ARHGEF37: variants seen among roughly 807,000 people sequenced by gnomAD.
ARHGEF37 encodes Rho guanine nucleotide exchange factor 37.
ARHGEF37 carries 55 observed loss-of-function variants against 71.1 expected under a neutral mutation model. That is an observed-to-expected ratio of 0.77 (90% CI 0.62 to 0.97). ARHGEF37 has a LOEUF of 0.97. Among genes scored for constraint, ARHGEF37 ranks in the 50% least tolerant of loss-of-function variants. The pLI, the probability that ARHGEF37 is intolerant of heterozygous loss-of-function variation, is 0.00. For synonymous variants in ARHGEF37, 327 were observed against 350.6 expected, an observed-to-expected ratio of 0.93 and a Z score of 0.75; for missense variants, 765 against 836.8, an observed-to-expected ratio of 0.91 and a Z score of 1.06.
chr5:149,553,891 G>A (rs1762717291), intron 1 of ARHGEF37, among the ~76,000 whole-genome samples: 1 of 152,174 alleles, frequency 6.6e-6, no homozygotes, highest in Non-Finnish European at 1.5e-5. Context: ...GTTGAGCCCG[G>A]GTGCAGTGGC....
In ARHGEF37 at chr5:149,618,261, C is replaced by T. The variant is rs781778232; in HGVS notation, c.744C>T (p.Thr248=). The T allele has an allele frequency of 2.9e-5, 47 of 1,614,088 alleles. No homozygotes were observed. The highest frequency in any genetic ancestry group is 3.3e-5 in the Non-Finnish European group (39 of 1,180,056). The stretch of plus-strand genomic sequence containing the variant: ...CACACACCCTCTCCAAGAAGACCAC[C>T]CGGCTGAGCCAGCTGCTGAAGCAGG... ...INTHTLSKKT[T]RLSQLLKQEA... is the part of the protein sequence containing the mutation. Residue 248 remains threonine (T), a synonymous_variant, in exon 6 of 13, where the codon ACC becomes ACT. Transcript: ENST00000333677.
At position 149,618,227 on chromosome 5, in the gene ARHGEF37, G is replaced by A. The variant is rs760408305; in HGVS notation, c.710G>A (p.Arg237His). Residue 237 changes from arginine (R) to histidine (H), a missense_variant, in exon 6 of 13, where the codon CGC (arginine) becomes CAC (histidine). Physicochemically the swap from Arg to His is conservative, Grantham distance 29. Coordinates refer to ENST00000333677, the MANE Select transcript of ARHGEF37 (RefSeq NM_001001669.3). ...CTGACCCTCCGGGAGCGGCTGGCCC[G>A]CATCAACACACACACCCTCTCCAAG... ...EQLTLRERLA[R>H]INTHTLSKKT... The A allele has an allele frequency of 6.5e-5, 105 of 1,614,040 alleles. No homozygotes were observed. The highest frequency in any genetic ancestry group is 1.6e-4 in the Middle Eastern group (1 of 6,082).
intron 1 of ARHGEF37, among the ~76,000 whole-genome samples, chr5:149,563,719 G>A (rs1190086995): frequency 6.6e-6 from 1 of 152,150 alleles, no homozygotes; most frequent in Non-Finnish European, 1.5e-5. Context: ...CCAAAAATAA[G>A]AAAGTGTAAC....
intron 5 of ARHGEF37, 88 bp from the exon 6 acceptor site, chr5:149,618,088 A>G: frequency 6.4e-7 from 1 of 1,555,878 alleles, no homozygotes; most frequent in Admixed American, 1.7e-5. Context: ...CAGAGGGCCC[A>G]AGCAGGTGCC....
intron 4 of ARHGEF37, 70 bp downstream of exon 4, chr5:149,609,765 C>A (rs1764026558): frequency 6.3e-6 from 10 of 1,591,246 alleles, no homozygotes; most frequent in Non-Finnish European, 7.7e-6. Flanking sequence ...TATGGTCTCA[C>A]CCCTTTTTCA....
In ARHGEF37 at chr5:149,618,951, A is replaced by C. The variant is rs1404405373; in HGVS notation, c.803A>C (p.Glu268Ala). ...CATTACTTTCAGACAGAAGACAAGGAATTTGATGATTTAGAAGAGAGGTTC... is the reference window on the plus strand; with the variant it reads ...CATTACTTTCAGACAGAAGACAAGGCATTTGATGATTTAGAAGAGAGGTTC... ...AGLIPRTEDK[E>A]FDDLEERFQW... The change falls in exon 7 of 13, where the codon GAA becomes GCA. Residue 268 changes from glutamate to alanine, a missense_variant. Coordinates refer to ENST00000333677, the MANE Select transcript of ARHGEF37 (RefSeq NM_001001669.3). 6.2e-7 allele frequency: 1 copy of C among 1,613,876 alleles called. No individual in the cohort carries two copies. Among genetic ancestry groups the C allele is most frequent in the Admixed American group, 1.7e-5 (1 of 60,026 alleles).
At chr5:149,601,258 A>G in intron 3 of ARHGEF37, 27 bp downstream of exon 3, 1 of 1,603,022 alleles carries the variant, frequency 6.2e-7, no homozygotes, top group Non-Finnish European at 8.5e-7. Context: ...AGGAGTTGTC[A>G]GCCTTAGATT....
chr5:149,615,521 A>G (rs1752350031), intron 4 of ARHGEF37, among the ~76,000 whole-genome samples: 1 of 152,200 alleles, frequency 6.6e-6, no homozygotes, highest in African/African-American at 2.4e-5. Flanking sequence ...AATTTGAAGG[A>G]AATTATAGAT....
At position 149,563,549 on chromosome 5, in the gene ARHGEF37, A is replaced by G. The variant is rs554107845; in HGVS notation, c.-12+11426A>G. ...TAGCTTCTGCCCTAGTTGATATAGG[A>G]TATGTGAGAGCACTTTGTTTAGGCC... On this transcript the variant is annotated intron_variant, in intron 1 of 2. Transcript: ENST00000505810. 2.0e-5 allele frequency among the ~76,000 whole-genome samples: 3 copies of G among 152,274 alleles called. No individual in the cohort carries two copies. The South Asian group carries it at 6.2e-4, about 32-fold the overall frequency.
Position 149,604,844 on chromosome 5 carries a change from G to A in ARHGEF37, c.310+3613G>A, listed in dbSNP as rs28445711. On this transcript the variant is annotated intron_variant, in intron 3 of 12. Transcript: ENST00000333677. Reference sequence around the variant, plus strand: ...ATTACAGGCGTGCGCCACCACGCCCGGCTAATTTTTGTATTTTTAGTAGAG... The same window carrying A: ...ATTACAGGCGTGCGCCACCACGCCCAGCTAATTTTTGTATTTTTAGTAGAG... Among the ~76,000 whole-genome samples, 1,373 of 151,326 alleles carry A rather than the reference G, an allele frequency of 9.1e-3. 21 individuals are homozygous for A. The highest frequency in any genetic ancestry group is 0.028 in the African/African-American group (1,163 of 41,264).
In ARHGEF37 at chr5:149,621,992, G is replaced by A. The variant is rs1458494979; in HGVS notation, c.1265G>A (p.Cys422Tyr). ...ATGCAGTGGCTGGGCCAGATCATGT[G>A]CACATTCGTGACCCTCCAGAGGGAC... is the stretch of plus-strand genomic sequence containing the variant. The part of the protein sequence containing the change: ...LVMQWLGQIM[C>Y]TFVTLQRDLA... Residue 422 changes from cysteine to tyrosine, a missense_variant, in exon 9 of 13, where the codon TGC (cysteine) becomes TAC (tyrosine). This residue lies in a region of ARHGEF37 where 390 missense variants were observed against 407.4 expected (regional missense o/e 0.96). Transcript: ENST00000333677. The A allele has an allele frequency of 6.2e-7, 1 of 1,614,046 alleles. No individual in the cohort carries two copies. The highest frequency in any genetic ancestry group is 8.5e-7 in the Non-Finnish European group (1 of 1,180,022).
intron 12 of ARHGEF37, among the ~76,000 whole-genome samples, chr5:149,630,560 C>A (rs1444853758): frequency 1.3e-5 from 2 of 152,154 alleles, no homozygotes; most frequent in Non-Finnish European, 2.9e-5. Flanking sequence ...CAGCATCCTT[C>A]AGCAGTAGCC....
chr5:149,564,631 C>G (rs953821641), intron 1 of ARHGEF37, among the ~76,000 whole-genome samples: 3 of 152,286 alleles, frequency 2.0e-5, no homozygotes, highest in East Asian at 1.9e-4. Flanking sequence ...TCGAGGCCAG[C>G]CTGACCAACA....
At position 149,627,087 on chromosome 5, in the gene ARHGEF37, A is replaced by G; in HGVS notation, c.1476A>G (p.Pro492=). 6.2e-7 allele frequency: 1 copy of G among 1,612,506 alleles called. No individual in the cohort carries two copies. The highest frequency in any genetic ancestry group is 8.5e-7 in the Non-Finnish European group (1 of 1,179,060). Residue 492 remains proline (P), a synonymous_variant, in exon 11 of 13, where the codon CCA becomes CCG. Coordinates refer to ENST00000333677, the MANE Select transcript of ARHGEF37 (RefSeq NM_001001669.3). ...QPPPTTQPLL[P]GSERQVQALL... ...TCCTCCTCTCCCAGCCGCTCCTTCC[A>G]GGGTCTGAACGCCAGGTGCAGGCTC...
intron 1 of ARHGEF37, among the ~76,000 whole-genome samples, chr5:149,565,829 A>ATTTTTTTTTTTTTTTTTTTTTTTTTT (rs201683478): frequency 4.7e-5 from 4 of 84,486 alleles, no homozygotes; most frequent in Non-Finnish European, 8.0e-5. Flanking sequence ...AGAAACTCTA[A>ATTTTTTTTTTTTTTTTTTTTTTTTTT]TTTTTTTTTT....
chr5:149,607,886 C>T (rs541784581), intron 3 of ARHGEF37, among the ~76,000 whole-genome samples: 41 of 151,206 alleles, frequency 2.7e-4, no homozygotes, highest in Non-Finnish European at 4.3e-4. Context: ...CCTGCCTCAG[C>T]CTCCCGAGTA....
In ARHGEF37 at chr5:149,628,510, G is replaced by A. The variant is rs12657287; in HGVS notation, c.1661-299G>A. ...ACACCAGAGGGGCATGGGAGCTGGCGGCTCCATCAGATAAGCAGTTTTCAT... is the reference window on the plus strand; with the variant it reads ...ACACCAGAGGGGCATGGGAGCTGGCAGCTCCATCAGATAAGCAGTTTTCAT... On this transcript the variant is annotated intron_variant, in intron 11 of 12. Transcript: ENST00000333677. Among the ~76,000 whole-genome samples the A allele has an allele frequency of 0.014, 2,168 of 152,234 alleles. 183 individuals are homozygous for A. The East Asian group carries it at 0.26, about 18-fold the overall frequency.
chr5:149,576,176 C>T (rs1276525319), intron 1 of ARHGEF37, among the ~76,000 whole-genome samples: 2 of 152,186 alleles, frequency 1.3e-5, no homozygotes, highest in African/African-American at 2.4e-5. Flanking sequence ...GCCTGGGAAG[C>T]GGAAGTTGCA....
intron 3 of ARHGEF37, among the ~76,000 whole-genome samples, chr5:149,608,396 T>C (rs1397540833): frequency 6.6e-6 from 1 of 151,302 alleles, no homozygotes; most frequent in African/African-American, 2.4e-5. Context: ...TTTGAGATGG[T>C]GTCTTGCTCT....
Sources: allele counts gnomAD v4.1 joint callset (sites outside exome capture counted in the v4.1 genomes callset), GRCh38; gene constraint gnomAD v4.1.1; regional missense constraint gnomAD v4.1.1; transcripts MANE v1.5; gene names NCBI Gene and HGNC (gene_info 2026-07-23, HGNC 2026-07-21).